PAK1IP1: variants seen among roughly 807,000 people sequenced by gnomAD.
PAK1IP1 encodes the protein p21-activated protein kinase-interacting protein 1.
A neutral mutation model predicts 42.0 loss-of-function variants in PAK1IP1; 24 were observed. That is an observed-to-expected ratio of 0.57 (90% CI 0.41 to 0.80). The LOEUF (loss-of-function observed/expected upper bound fraction) is 0.80, where lower values mean the gene tolerates loss of function less well. PAK1IP1 is among the 30% of genes least tolerant of loss of function. PAK1IP1 has a pLI of 0.00. For synonymous variants in PAK1IP1, 154 were observed against 156.7 expected (o/e 0.98, Z 0.13); for missense variants, 411 against 467.9 (o/e 0.88, Z 1.12).
chr6:10,693,960 T>A (rs181973187), upstream of PAK1IP1, among the ~76,000 whole-genome samples: 6 of 152,180 alleles, frequency 3.9e-5, no homozygotes, highest in Middle Eastern at 3.4e-3. Flanking sequence ...TTTTCCCAAC[T>A]CTCAAATGAA....
At chr6:10,696,898 T>C (rs1463855921) in intron 1 of PAK1IP1, among the ~76,000 whole-genome samples, 1 of 152,178 alleles carries the variant, frequency 6.6e-6, no homozygotes, top group East Asian at 1.9e-4. Context: ...AGACACATAG[T>C]AGGCACTCAT....
intron 2 of PAK1IP1, among the ~76,000 whole-genome samples, chr6:10,700,560 C>T (rs1413156534): frequency 6.6e-6 from 1 of 152,212 alleles, no homozygotes; most frequent in Non-Finnish European, 1.5e-5. Context: ...TCTTGCTCTT[C>T]ATCAGAAGCT....
At chr6:10,697,269 A>G in intron 1 of PAK1IP1, 55 bp from the exon 2 acceptor site, 4 of 1,442,294 alleles carry the variant, frequency 2.8e-6, no homozygotes, top group Non-Finnish European at 3.8e-6. Flanking sequence ...CAGTGGATAG[A>G]GTTGGTAGAA....
Position 10,702,349 on chromosome 6 carries a change from C to G in PAK1IP1, c.248-20C>G, listed in dbSNP as rs1217374622. 1.9e-6 allele frequency: 3 copies of G among 1,602,634 alleles called. No individual in the cohort carries two copies. The highest frequency in any genetic ancestry group is 2.7e-5 in the African/African-American group (2 of 74,492). ...CATTTAAAATGAATATTATTTTTGC[C>G]TATTTTGGTTTTTCCATAGGTACAA... On this transcript the variant is annotated intron_variant, in intron 2 of 9. Coordinates refer to ENST00000379568, the MANE Select transcript of PAK1IP1 (RefSeq NM_017906.3).
Position 10,707,432 on chromosome 6 carries a change from G to A in PAK1IP1, c.758G>A (p.Ser253Asn). 6.3e-7 allele frequency: 1 copy of A among 1,597,696 alleles called. No individual in the cohort carries two copies. The highest frequency in any genetic ancestry group is 1.3e-5 in the African/African-American group (1 of 74,702). Reference sequence around the variant, plus strand: ...TATCCTAGGGTAAAGGACATGTTCAGTTTTGAAATTCCAGAGCATCATGTT... The same window carrying A: ...TATCCTAGGGTAAAGGACATGTTCAATTTTGAAATTCCAGAGCATCATGTT... ...AHENRVKDMF[S>N]FEIPEHHVIV... Residue 253 changes from serine to asparagine, a missense_variant, in exon 8 of 10, where the codon AGT becomes AAT. By Grantham distance (46) the Ser-to-Asn change is conservative. Coordinates refer to ENST00000379568, the MANE Select transcript of PAK1IP1 (RefSeq NM_017906.3).
chr6:10,697,184 G>T, intron 1 of PAK1IP1, 140 bp from the exon 2 acceptor site: 1 of 717,148 alleles, frequency 1.4e-6, no homozygotes, highest in Non-Finnish European at 2.3e-6. Flanking sequence ...AGGATCCATT[G>T]ATAGTTTTCA....
intron 4 of PAK1IP1, among the ~76,000 whole-genome samples, 158 bp downstream of exon 4, chr6:10,702,797 C>G (rs1770070526): frequency 1.3e-5 from 2 of 151,920 alleles, no homozygotes; most frequent in Admixed American, 1.3e-4. Flanking sequence ...GCTCTGTTTT[C>G]TTTCTTTTTT....
intron 8 of PAK1IP1, among the ~76,000 whole-genome samples, chr6:10,707,869 A>G (rs1224271991): frequency 6.6e-6 from 1 of 152,152 alleles, no homozygotes; most frequent in African/African-American, 2.4e-5. Context: ...AACCATTTAA[A>G]CCAGACACTT....
rs767113717 is a variant in PAK1IP1 at position 10,697,380 on chromosome 6, A to G, written c.141A>G (p.Ala47=). 1 of 1,614,060 alleles carries G rather than the reference A, an allele frequency of 6.2e-7. No individual in the cohort carries two copies. Among genetic ancestry groups the G allele is most frequent in the African/African-American group, 1.3e-5 (1 of 75,046 alleles). Residue 47 remains alanine, a synonymous_variant, in exon 2 of 10, where the codon GCA becomes GCG. Transcript: ENST00000379568. ...THHAHTASLS[A]VAVNSRFVVT... is the part of the protein sequence containing the mutation. ...ATGCTCACACTGCCTCCTTGTCAGC[A>G]GTAGCTGTAAATAGTCGTTTTGTGG... is the stretch of plus-strand genomic sequence containing the variant.
intron 5 of PAK1IP1, 77 bp downstream of exon 5, chr6:10,703,534 T>G: frequency 9.6e-7 from 1 of 1,045,680 alleles, no homozygotes; most frequent in Non-Finnish European, 1.4e-6. Context: ...CTGAAACTTT[T>G]TGAGCACTGA....
At chr6:10,699,058 G>A (rs796262718) in intron 2 of PAK1IP1, among the ~76,000 whole-genome samples, 27 of 152,174 alleles carry the variant, frequency 1.8e-4, no homozygotes, top group African/African-American at 5.5e-4. Context: ...ACCTTAGCTG[G>A]GCATGGTGGC....
upstream of PAK1IP1, among the ~76,000 whole-genome samples, chr6:10,691,931 G>A (rs535209479): frequency 9.2e-5 from 14 of 152,088 alleles, no homozygotes; most frequent in African/African-American, 3.4e-4. Context: ...TAAAATTCCT[G>A]GTTGGAACAA....
intron 2 of PAK1IP1, among the ~76,000 whole-genome samples, chr6:10,700,348 G>A (rs1333369702): frequency 2.0e-5 from 3 of 152,146 alleles, no homozygotes; most frequent in Middle Eastern, 3.4e-3. Context: ...GTGAGCCACC[G>A]CGCCCTGCCA....
intron 8 of PAK1IP1, 135 bp from the exon 9 acceptor site, chr6:10,708,818 G>A (rs1770287550): frequency 2.8e-6 from 2 of 708,530 alleles, no homozygotes; most frequent in Non-Finnish European, 4.7e-6. Context: ...AATCATGAGT[G>A]AAGATTATAT....
chr6:10,694,583 G>GACGA, upstream of PAK1IP1: 1 of 186,202 alleles, frequency 5.4e-6, no homozygotes, highest in South Asian at 8.2e-5. Context: ...GCACGCTGCC[G>GACGA]GCGCTACAGC....
chr6:10,694,863 T>G, upstream of PAK1IP1: 1 of 689,106 alleles, frequency 1.5e-6, no homozygotes, highest in African/African-American at 1.8e-5. Flanking sequence ...CCCTGGAGCC[T>G]GACGTATAAT....
At chr6:10,701,056 TTTTTC>T (rs1229686772) in intron 2 of PAK1IP1, among the ~76,000 whole-genome samples, 16 of 152,138 alleles carry the variant, frequency 1.1e-4, no homozygotes, top group African/African-American at 3.6e-4. Context: ...TTTGGTTTTC[TTTTTC>T]TTTTCTTTTC....
intron 2 of PAK1IP1, among the ~76,000 whole-genome samples, chr6:10,699,154 C>G (rs888606772): frequency 7.1e-6 from 1 of 140,030 alleles, no homozygotes; most frequent in Non-Finnish European, 1.5e-5. Context: ...TGAGCTGAGA[C>G]TGTGCCACTG....
At chr6:10,705,272 C>T (rs1225137008) in intron 7 of PAK1IP1, among the ~76,000 whole-genome samples, 2 of 152,160 alleles carry the variant, frequency 1.3e-5, no homozygotes, top group Middle Eastern at 6.8e-3. Context: ...GAGCCAAGAT[C>T]GCACCACTGC....
Sources: gnomAD v4.1 joint callset for allele counts (sites outside exome capture counted in the v4.1 genomes callset) on GRCh38, gnomAD v4.1.1 for gene constraint, MANE v1.5 for transcripts, NCBI Gene and HGNC (gene_info 2026-07-23, HGNC 2026-07-21) for gene names.